The following NWD1 variants were observed in gnomAD, a reference collection of about 807,000 sequenced individuals.
NWD1 encodes the protein NACHT and WD repeat domain containing 1, also known as NACHT domain- and WD repeat-containing protein 1.
Under a neutral mutation model 135.1 loss-of-function variants are expected in NWD1, and 129 were observed. The ratio of observed to expected loss-of-function variants is 0.96; its 90% confidence interval spans 0.83 to 1.11. The LOEUF (loss-of-function observed/expected upper bound fraction) is 1.11, where lower values mean the gene tolerates loss of function less well. NWD1 is among the 50% of genes least tolerant of loss of function. The probability of loss-of-function intolerance (pLI) is 0.00; values close to 1 mark genes in which losing one functional copy is unlikely to be tolerated. For missense variants in NWD1, 1,740 were observed against 1,851.3 expected (o/e 0.94, Z 1.10); for synonymous variants, 773 against 786.0 (o/e 0.98, Z 0.28).
Position 16,779,354 on chromosome 19 carries a change from A to G in NWD1, c.2620A>G (p.Met874Val). The G allele has an allele frequency of 6.2e-7, 1 of 1,613,918 alleles. No individual in the cohort carries two copies. The highest frequency in any genetic ancestry group is 8.5e-7 in the Non-Finnish European group (1 of 1,179,980). The change falls in exon 12 of 19, where the codon ATG (methionine) becomes GTG (valine). Residue 874 changes from methionine to valine, a missense_variant. Physicochemically the swap from Met to Val is conservative, Grantham distance 21 (BLOSUM62 1). Transcript: ENST00000524140. ...LSGCHKGITA[M>V]AWGVEEKLLV... The stretch of plus-strand genomic sequence containing the variant: ...CTGTGTGGCTGCAGGCATCACCGCC[A>G]TGGCATGGGGTGTGGAGGAGAAGCT...
At position 16,799,934 on chromosome 19, in the gene NWD1, G is replaced by A. The variant is rs751532845; in HGVS notation, c.3508G>A (p.Val1170Ile). 49 of 1,613,852 alleles carry A rather than the reference G, an allele frequency of 3.0e-5. No homozygotes were observed. The Admixed American group carries it at 3.5e-4, about 12-fold the overall frequency. ...QGTLLDILEG[V>I]GAPVSLLARG... ...GACCCTTCTGGACATCCTGGAAGGC[G>A]TCGGGGCCCCCGTGAGCCTGCTGGC... The change falls in exon 17 of 19, where the codon GTC (valine) becomes ATC (isoleucine). Residue 1170 changes from valine (V) to isoleucine (I), a missense_variant. Physicochemically the swap from Val to Ile is conservative, Grantham distance 29. Coordinates refer to ENST00000524140, the MANE Select transcript of NWD1 (RefSeq NM_001007525.5).
At chr19:16,803,397 G>T (rs530887513) in intron 17 of NWD1, among the ~76,000 whole-genome samples, 21 of 152,090 alleles carry the variant, frequency 1.4e-4, no homozygotes, top group Admixed American at 1.2e-3. Flanking sequence ...TAGGAATTTG[G>T]TGGGGGGGTG....
At chr19:16,794,702 G>A (rs1040546280) in intron 15 of NWD1, 149 bp downstream of exon 15, 21 of 657,046 alleles carry the variant, frequency 3.2e-5, no homozygotes, top group African/African-American at 2.6e-4. Context: ...ATTTTTTGCA[G>A]TCCAGACGAG....
At chr19:16,763,418 T>C (rs566183340) in intron 8 of NWD1, among the ~76,000 whole-genome samples, 4 of 152,182 alleles carry the variant, frequency 2.6e-5, no homozygotes, top group Admixed American at 1.3e-4. Context: ...CCCACCCGCA[T>C]CCCCTAACCT....
intron 10 of NWD1, among the ~76,000 whole-genome samples, chr19:16,771,063 G>A (rs1027403968): frequency 6.6e-6 from 1 of 152,106 alleles, no homozygotes; most frequent in African/African-American, 2.4e-5. Flanking sequence ...ACTTTGGGAG[G>A]CCCAGACAGA....
At chr19:16,805,707 T>C (rs1970727534) in intron 17 of NWD1, among the ~76,000 whole-genome samples, 1 of 152,096 alleles carries the variant, frequency 6.6e-6, no homozygotes, top group Non-Finnish European at 1.5e-5. Context: ...CCTCACTTGA[T>C]TTGCTCCCTG....
intron 14 of NWD1, among the ~76,000 whole-genome samples, chr19:16,792,474 C>T (rs1352360944): frequency 1.3e-5 from 2 of 151,976 alleles, no homozygotes; most frequent in African/African-American, 4.8e-5. Flanking sequence ...GTTGGGAGTT[C>T]GAGACCAGCC....
chr19:16,776,795 A>AAAT (rs1969616920), intron 11 of NWD1, among the ~76,000 whole-genome samples: 1 of 144,278 alleles, frequency 6.9e-6, no homozygotes, highest in African/African-American at 2.6e-5. Context: ...AAAAAAAAAA[A>AAAT]GCTGGTCATG....
At chr19:16,807,184 A>AG (rs1555734467) in intron 17 of NWD1, among the ~76,000 whole-genome samples, 2 of 151,030 alleles carry the variant, frequency 1.3e-5, no homozygotes, top group Non-Finnish European at 3.0e-5. Context: ...AAAAAAAAAA[A>AG]AAAGAAAGAA....
intron 3 of NWD1, among the ~76,000 whole-genome samples, chr19:16,734,917 G>A (rs2122717448): frequency 6.6e-6 from 1 of 151,868 alleles, no homozygotes; most frequent in East Asian, 1.9e-4. Context: ...TAATTAACTT[G>A]CTTTTTTATT....
chr19:16,764,756 G>GCC (rs56683037), intron 9 of NWD1, among the ~76,000 whole-genome samples: 1 of 151,850 alleles, frequency 6.6e-6, no homozygotes, highest in Non-Finnish European at 1.5e-5. Flanking sequence ...AAGAGATTCT[G>GCC]CCCCCCCAGG....
At chr19:16,787,327 G>A (rs899607911) in intron 12 of NWD1, among the ~76,000 whole-genome samples, 1 of 152,064 alleles carries the variant, frequency 6.6e-6, no homozygotes, top group African/African-American at 2.4e-5. Flanking sequence ...AATGATGAGA[G>A]AAATCCTATA....
In NWD1 at chr19:16,759,361, C is replaced by G. The variant is rs777657124; in HGVS notation, c.1906C>G (p.Arg636Gly). 1.9e-6 allele frequency: 3 copies of G among 1,612,266 alleles called. No homozygotes were observed. The highest frequency in any genetic ancestry group is 1.7e-6 in the Non-Finnish European group (2 of 1,179,334). ...GCCCCTGCTGTGGGTGCGGCTTCGT[C>G]GGGATCTGGGATACTACTTGGCCCG... Reference protein sequence around the residue: ...FPPLLWVRLRRDLGYYLARRP... With the variant: ...FPPLLWVRLRGDLGYYLARRP... The change falls in exon 7 of 19, where the codon CGG becomes GGG. Residue 636 changes from arginine (R) to glycine (G), a missense_variant. By Grantham distance (125) the Arg-to-Gly change is moderately radical. Coordinates refer to ENST00000524140, the MANE Select transcript of NWD1 (RefSeq NM_001007525.5).
chr19:16,794,030 A>G (rs1335441753), intron 14 of NWD1, among the ~76,000 whole-genome samples: 1 of 152,186 alleles, frequency 6.6e-6, no homozygotes, highest in African/African-American at 2.4e-5. Flanking sequence ...AGTAGCTGGG[A>G]CCACAGGGGT....
At chr19:16,798,431 A>G (rs2248743) in intron 16 of NWD1, among the ~76,000 whole-genome samples, 13,025 of 152,008 alleles carry the variant, frequency 0.086, 873 homozygotes, top group African/African-American at 0.18. Flanking sequence ...GCAACATAGC[A>G]AGACCCAATC....
Position 16,731,195 on chromosome 19 carries a change from T to C in NWD1, c.-3T>C, listed in dbSNP as rs1967545707. On this transcript the variant is annotated 5_prime_UTR_variant, in exon 3 of 19. An upstream start codon of the reference 5' UTR is lost. Coordinates refer to ENST00000524140, the MANE Select transcript of NWD1 (RefSeq NM_001007525.5). ...CCCTCCATGCCCTTCCTTGCAGATA[T>C]GGATGCAGAGAGGGAAGCCCTGCAG... 2.0e-6 allele frequency: 3 copies of C among 1,521,072 alleles called. No homozygotes were observed. Among genetic ancestry groups the C allele is most frequent in the Non-Finnish European group, 2.6e-6 (3 of 1,133,260 alleles). The allele number at this position is 1,521,072 out of a possible 1,614,324, so 94.2% of individuals were successfully genotyped here. A position where few individuals can be genotyped will look rare whatever the true frequency, so the allele number is the denominator to read the frequency against.
At chr19:16,808,213 A>G (rs1970816960) in intron 18 of NWD1, 77 bp downstream of exon 18, 4 of 1,363,236 alleles carry the variant, frequency 2.9e-6, no homozygotes, top group East Asian at 4.6e-5. Flanking sequence ...TTTACTAAGC[A>G]CACACCATGG....
At chr19:16,756,765 A>C (rs989823844) in intron 6 of NWD1, among the ~76,000 whole-genome samples, 5 of 152,156 alleles carry the variant, frequency 3.3e-5, no homozygotes, top group African/African-American at 4.8e-5. Context: ...CAGGCTGCAC[A>C]GCAGGAGGTG....
At chr19:16,798,998 G>T (rs1970511304) in intron 16 of NWD1, among the ~76,000 whole-genome samples, 1 of 150,866 alleles carries the variant, frequency 6.6e-6, no homozygotes, top group Non-Finnish European at 1.5e-5. Context: ...AGGTTTACAG[G>T]GCACCCTCTA....
Sources: gnomAD v4.1 joint callset for allele counts (sites outside exome capture counted in the v4.1 genomes callset) on GRCh38, gnomAD v4.1.1 for gene constraint, MANE v1.5 for transcripts, NCBI Gene and HGNC (gene_info 2026-07-23, HGNC 2026-07-21) for gene names.